The following RSPO3 variants were observed in gnomAD, a reference collection of about 807,000 sequenced individuals.
RSPO3 encodes the protein R-spondin-3.
RSPO3 carries 17 observed loss-of-function variants against 36.5 expected under a neutral mutation model. The ratio of observed to expected loss-of-function variants is 0.47; its 90% CI spans 0.32 to 0.70. The LOEUF (loss-of-function observed/expected upper bound fraction) is 0.70. Ranked by LOEUF, RSPO3 falls within the 30% of genes least tolerant of loss-of-function variation. The pLI is 0.04. For missense variants in RSPO3, 294 were observed against 322.5 expected, an observed-to-expected ratio of 0.91 and a Z score of 0.68; for synonymous variants, 108 against 107.0, an observed-to-expected ratio of 1.01 and a Z score of -0.06.
chr6:127,150,129 A>G (rs1774460463), intron 2 of RSPO3, among the ~76,000 whole-genome samples: 1 of 151,356 alleles, frequency 6.6e-6, no homozygotes, highest in Admixed American at 6.6e-5. Context: ...CTATCACTTA[A>G]TATAAACAGA....
At chr6:127,177,553 T>A (rs897070804) in intron 4 of RSPO3, among the ~76,000 whole-genome samples, 12 of 151,872 alleles carry the variant, frequency 7.9e-5, no homozygotes, top group African/African-American at 2.4e-4. Flanking sequence ...GTGCTGATCA[T>A]AAGACTTAAT....
At chr6:127,123,059 AAGAG>A (rs1043020406) in intron 1 of RSPO3, among the ~76,000 whole-genome samples, 3 of 152,152 alleles carry the variant, frequency 2.0e-5, no homozygotes, top group Admixed American at 6.5e-5. Context: ...CGTCTGAAGA[AAGAG>A]AGAAAGAATA....
At chr6:127,190,890 G>A (rs2114271425) in intron 4 of RSPO3, among the ~76,000 whole-genome samples, 1 of 152,212 alleles carries the variant, frequency 6.6e-6, no homozygotes, top group South Asian at 2.1e-4. Context: ...CTCAATAAGT[G>A]AATTACAGTT....
At chr6:127,164,107 GCT>G (rs1225652955) in intron 4 of RSPO3, among the ~76,000 whole-genome samples, 2 of 151,938 alleles carry the variant, frequency 1.3e-5, no homozygotes, top group Non-Finnish European at 2.9e-5. Flanking sequence ...TAGTGCTCTC[GCT>G]CTCTCTTTCA....
intron 4 of RSPO3, among the ~76,000 whole-genome samples, chr6:127,191,101 T>C (rs752676069): frequency 2.6e-5 from 4 of 152,216 alleles, no homozygotes; most frequent in Non-Finnish European, 5.9e-5. Context: ...TTTAAAAAGA[T>C]AACCTGCAAT....
intron 4 of RSPO3, among the ~76,000 whole-genome samples, chr6:127,188,705 G>A (rs1411188572): frequency 6.6e-6 from 1 of 152,064 alleles, no homozygotes; most frequent in Non-Finnish European, 1.5e-5. Context: ...GCTGAATGGT[G>A]CTGACTCAAA....
chr6:127,141,053 C>G (rs1774260493), intron 1 of RSPO3, among the ~76,000 whole-genome samples: 1 of 152,160 alleles, frequency 6.6e-6, no homozygotes, highest in Non-Finnish European at 1.5e-5. Context: ...TCATTTGATT[C>G]CTTGTTTACT....
chr6:127,137,581 T>C (rs1430948305), intron 1 of RSPO3, among the ~76,000 whole-genome samples: 2 of 152,170 alleles, frequency 1.3e-5, no homozygotes, highest in Non-Finnish European at 2.9e-5. Flanking sequence ...AATATTCTCA[T>C]CTGCAAATTT....
At chr6:127,136,774 C>T (rs1016750524) in intron 1 of RSPO3, among the ~76,000 whole-genome samples, 2 of 152,152 alleles carry the variant, frequency 1.3e-5, no homozygotes. Flanking sequence ...CCACAGTTCT[C>T]ATATATCTAC....
intron 3 of RSPO3, among the ~76,000 whole-genome samples, chr6:127,152,093 A>C: frequency 6.6e-6 from 1 of 152,164 alleles, no homozygotes; most frequent in East Asian, 1.9e-4. Context: ...ATCATTTCAC[A>C]CTTGGCACTA....
At chr6:127,119,386 C>T in intron 1 of RSPO3, 97 bp downstream of exon 1, 3 of 854,826 alleles carry the variant, frequency 3.5e-6, no homozygotes, top group Non-Finnish European at 5.8e-6. Flanking sequence ...TGCAGCGGTC[C>T]TCCCGCCCTG....
intron 4 of RSPO3, among the ~76,000 whole-genome samples, chr6:127,170,321 T>G (rs1440699219): frequency 3.3e-5 from 5 of 151,780 alleles, no homozygotes; most frequent in Non-Finnish European, 7.4e-5. Flanking sequence ...AAAAAATAGA[T>G]GTGCCTTATT....
Position 127,197,387 on chromosome 6 carries a change from C to G in RSPO3, c.*1380C>G, listed in dbSNP as rs776959115. 6.5e-7 allele frequency: 1 copy of G among 1,549,106 alleles called. No individual in the cohort carries two copies. Among genetic ancestry groups the G allele is most frequent in the East Asian group, 2.4e-5 (1 of 40,892 alleles). Reference sequence around the variant, plus strand: ...TCCCCCTGCATCTTCAACATTTAGTCTTTTCTTCTCCATATTTTCTATCTG... The same window carrying G: ...TCCCCCTGCATCTTCAACATTTAGTGTTTTCTTCTCCATATTTTCTATCTG... On this transcript the variant is annotated 3_prime_UTR_variant, in exon 5 of 5. Coordinates refer to ENST00000356698, the MANE Select transcript of RSPO3 (RefSeq NM_032784.5).
At chr6:127,167,511 C>T (rs1477559951) in intron 4 of RSPO3, among the ~76,000 whole-genome samples, 2 of 151,906 alleles carry the variant, frequency 1.3e-5, no homozygotes, top group African/African-American at 4.8e-5. Flanking sequence ...TTTTCTTAAT[C>T]CAGTCTATCA....
chr6:127,189,868 G>T (rs1775372335), intron 4 of RSPO3, among the ~76,000 whole-genome samples: 1 of 152,122 alleles, frequency 6.6e-6, no homozygotes, highest in Non-Finnish European at 1.5e-5. Context: ...TGGAGAAATT[G>T]TGTGCTTATT....
At chr6:127,194,047 C>T (rs573098822) in intron 4 of RSPO3, among the ~76,000 whole-genome samples, 12 of 152,136 alleles carry the variant, frequency 7.9e-5, no homozygotes, top group Non-Finnish European at 1.6e-4. Flanking sequence ...ACAAGGAAAG[C>T]TTTCAAAAAG....
intron 1 of RSPO3, among the ~76,000 whole-genome samples, chr6:127,129,369 G>A (rs1032461314): frequency 6.6e-6 from 1 of 152,040 alleles, no homozygotes; most frequent in Non-Finnish European, 1.5e-5. Context: ...ATGTAAAAGT[G>A]GGGTGGAAGT....
chr6:127,141,425 G>A (rs1044549010), intron 1 of RSPO3, among the ~76,000 whole-genome samples: 1 of 152,056 alleles, frequency 6.6e-6, no homozygotes, highest in Non-Finnish European at 1.5e-5. Context: ...CTAGCTATTT[G>A]CTGCTTAATG....
intron 4 of RSPO3, among the ~76,000 whole-genome samples, chr6:127,193,377 T>C (rs1375922536): frequency 6.6e-6 from 1 of 152,238 alleles, no homozygotes; most frequent in Non-Finnish European, 1.5e-5. Flanking sequence ...ACATTTCTTA[T>C]GTGTCCAAAA....
Sources: allele counts gnomAD v4.1 joint callset (sites outside exome capture counted in the v4.1 genomes callset), GRCh38; gene constraint gnomAD v4.1.1; transcripts MANE v1.5; gene names NCBI Gene and HGNC (gene_info 2026-07-23, HGNC 2026-07-21).